The following ANKFN1 variants were observed in gnomAD, a reference collection of about 807,000 sequenced individuals.
ANKFN1 encodes the protein ankyrin repeat and fibronectin type III domain containing 1.
In ANKFN1, 74 loss-of-function variants were observed where a neutral mutation model predicts 108.7. That is an observed-to-expected ratio of 0.68 (90% confidence interval 0.56 to 0.83). The LOEUF (loss-of-function observed/expected upper bound fraction) is 0.83, where lower values mean the gene tolerates loss of function less well. Among genes scored for constraint, ANKFN1 ranks in the 40% least tolerant of loss-of-function variants. The probability of loss-of-function intolerance (pLI) is 0.00; values close to 1 mark genes in which losing one functional copy is unlikely to be tolerated. For synonymous variants in ANKFN1, 547 were observed against 516.2 expected, an observed-to-expected ratio of 1.06 and a Z score of -0.81; for missense variants, 1,505 against 1,382.3, an observed-to-expected ratio of 1.09 and a Z score of -1.41.
rs533749783 is a variant in ANKFN1 at position 56,401,322 on chromosome 17, C to T, written c.910+26608C>T. Among the ~76,000 whole-genome samples, 15 of 141,526 alleles carry T rather than the reference C, an allele frequency of 1.1e-4. No individual in the cohort carries two copies. In the East Asian group the frequency reaches 1.8e-3, roughly 17 times the overall value. The allele number at this position is 141,526 out of a possible 152,430, so 92.8% of individuals were successfully genotyped here. A position where few individuals can be genotyped will look rare whatever the true frequency, so the allele number is the denominator to read the frequency against. On this transcript the variant is annotated intron_variant, in intron 8 of 20. Coordinates refer to ENST00000682825, the MANE Select transcript of ANKFN1 (RefSeq NM_001370326.1). ...TTTGACTCCTTTGTTAGGTACATTC[C>T]GAAGTATTGTATTGTATTGTATTGT...
intron 4 of ANKFN1, among the ~76,000 whole-genome samples, chr17:56,056,854 C>A (rs1904889380): frequency 6.6e-6 from 1 of 152,198 alleles, no homozygotes; most frequent in African/African-American, 2.4e-5. Flanking sequence ...GTGAAGTTTG[C>A]TGCATTGTTT....
At chr17:56,345,203 C>T (rs1038622732) in intron 4 of ANKFN1, among the ~76,000 whole-genome samples, 10 of 152,114 alleles carry the variant, frequency 6.6e-5, no homozygotes, top group African/African-American at 2.4e-4. Flanking sequence ...TCATCCATGT[C>T]CCTGCAAAGG....
At chr17:56,330,643 C>T (rs1326875684) in intron 4 of ANKFN1, among the ~76,000 whole-genome samples, 1 of 152,106 alleles carries the variant, frequency 6.6e-6, no homozygotes, top group East Asian at 1.9e-4. Context: ...CCAGTTTTAG[C>T]TCTGAAAGTA....
intron 5 of ANKFN1, among the ~76,000 whole-genome samples, chr17:56,351,856 C>A (rs572797264): frequency 3.9e-5 from 6 of 152,218 alleles, no homozygotes; most frequent in Middle Eastern, 3.4e-3. Flanking sequence ...GTAATGGCAC[C>A]ATTTGTTTGC....
chr17:56,488,417 G>A (rs369679840), intron 18 of ANKFN1, among the ~76,000 whole-genome samples: 69 of 152,274 alleles, frequency 4.5e-4, no homozygotes, highest in African/African-American at 1.4e-3. Context: ...TAATGTTACC[G>A]TCTACTGAAA....
At chr17:56,356,476 C>T (rs1264227103) in intron 6 of ANKFN1, among the ~76,000 whole-genome samples, 2 of 152,110 alleles carry the variant, frequency 1.3e-5, no homozygotes, top group South Asian at 2.1e-4. Context: ...TTTCGTAAAT[C>T]GCCACCACCC....
intron 15 of ANKFN1, among the ~76,000 whole-genome samples, chr17:56,467,782 AG>A (rs1484432195): frequency 1.1e-4 from 2 of 17,958 alleles, no homozygotes; most frequent in African/African-American, 3.0e-4. Context: ...AAAGAAAGAA[AG>A]AAAGAAAGAA....
chr17:56,141,922 A>AT (rs1907943478), intron 4 of ANKFN1, among the ~76,000 whole-genome samples: 1 of 131,728 alleles, frequency 7.6e-6, no homozygotes, highest in Admixed American at 7.5e-5. Context: ...ACGATGGTGT[A>AT]CTTTTTTTTT....
At chr17:56,240,432 T>C (rs1917495553) in intron 3 of ANKFN1, among the ~76,000 whole-genome samples, 1 of 152,102 alleles carries the variant, frequency 6.6e-6, no homozygotes, top group Non-Finnish European at 1.5e-5. Context: ...TTTTCATTCA[T>C]TCATTCATTC....
chr17:56,261,962 T>C (rs1370651607), intron 3 of ANKFN1, among the ~76,000 whole-genome samples: 4 of 152,088 alleles, frequency 2.6e-5, no homozygotes, highest in Admixed American at 2.0e-4. Flanking sequence ...CCTGCCCAGG[T>C]CCCCAAGGGC....
At chr17:56,269,737 A>G (rs2043743612) in intron 3 of ANKFN1, among the ~76,000 whole-genome samples, 1 of 152,222 alleles carries the variant, frequency 6.6e-6, no homozygotes, top group East Asian at 1.9e-4. Flanking sequence ...TGCAAGGAAA[A>G]TGCAACAGAA....
At chr17:56,117,089 TTA>T (rs1906327505) in intron 4 of ANKFN1, among the ~76,000 whole-genome samples, 1 of 152,200 alleles carries the variant, frequency 6.6e-6, no homozygotes, top group Non-Finnish European at 1.5e-5. Context: ...CTTATTTTCC[TTA>T]TTTTTTTCTT....
chr17:56,215,154 G>T (rs1291972062), intron 2 of ANKFN1, among the ~76,000 whole-genome samples: 1 of 152,176 alleles, frequency 6.6e-6, no homozygotes, highest in Non-Finnish European at 1.5e-5. Context: ...AGTAATTTGG[G>T]CTCTGTACAA....
At chr17:56,077,185 G>A (rs926795987) in intron 4 of ANKFN1, among the ~76,000 whole-genome samples, 3 of 152,126 alleles carry the variant, frequency 2.0e-5, no homozygotes, top group African/African-American at 7.2e-5. Context: ...AATTGGGAAG[G>A]GGATACTTCT....
chr17:56,271,183 G>T (rs2043784320), intron 3 of ANKFN1, among the ~76,000 whole-genome samples: 1 of 151,832 alleles, frequency 6.6e-6, no homozygotes, highest in African/African-American at 2.4e-5. Context: ...AATATTTTGT[G>T]TGTTTTGTAA....
chr17:56,189,972 G>A (rs1251625837), intron 1 of ANKFN1, among the ~76,000 whole-genome samples: 3 of 147,914 alleles, frequency 2.0e-5, no homozygotes, highest in Non-Finnish European at 4.4e-5. Context: ...AACAAATGAT[G>A]CTGGGACAAC....
At chr17:56,295,539 AC>A (rs1307902223) in intron 3 of ANKFN1, among the ~76,000 whole-genome samples, 2 of 152,132 alleles carry the variant, frequency 1.3e-5, no homozygotes, top group Non-Finnish European at 1.5e-5. Flanking sequence ...GCACACTGAT[AC>A]ATGAAAACCA....
intron 8 of ANKFN1, among the ~76,000 whole-genome samples, chr17:56,383,383 A>G (rs1471841196): frequency 1.3e-5 from 2 of 152,214 alleles, no homozygotes; most frequent in Non-Finnish European, 2.9e-5. Flanking sequence ...AGCAGGAAAG[A>G]TCCAAAATTG....
At chr17:56,112,878 T>C (rs1182707822) in intron 4 of ANKFN1, among the ~76,000 whole-genome samples, 1 of 152,218 alleles carries the variant, frequency 6.6e-6, no homozygotes, top group Non-Finnish European at 1.5e-5. Context: ...ATGTATCAGA[T>C]ATATATACAC....
Sources: allele counts gnomAD v4.1 joint callset (sites outside exome capture counted in the v4.1 genomes callset), GRCh38; gene constraint gnomAD v4.1.1; transcripts MANE v1.5; gene names NCBI Gene and HGNC (gene_info 2026-07-23, HGNC 2026-07-21).